ULK4: variants seen among roughly 807,000 people sequenced by gnomAD.
The protein encoded by ULK4 is inactive serine/threonine-protein kinase ULK4.
ULK4 carries 133 observed loss-of-function variants against 160.6 expected under a neutral mutation model. The observed-to-expected ratio is 0.83, with a 90% confidence interval of 0.72 to 0.96. The LOEUF (loss-of-function observed/expected upper bound fraction) is 0.96, where lower values mean the gene tolerates loss of function less well. ULK4 is among the 40% of genes least tolerant of loss of function. The pLI is 0.00. For missense variants in ULK4, 1,580 were observed against 1,499.5 expected (o/e 1.05, Z -0.89); for synonymous variants, 534 against 539.8 (o/e 0.99, Z 0.15).
intron 32 of ULK4, among the ~76,000 whole-genome samples, chr3:41,496,634 G>T (rs2085001873): frequency 6.6e-6 from 1 of 152,130 alleles, no homozygotes; most frequent in Non-Finnish European, 1.5e-5. Flanking sequence ...AATCTGCATA[G>T]TGCTGCCCTA....
At chr3:41,915,155 T>A (rs72866315) in intron 8 of ULK4, among the ~76,000 whole-genome samples, 1 of 152,176 alleles carries the variant, frequency 6.6e-6, no homozygotes, top group East Asian at 1.9e-4. Context: ...TATAGTTACA[T>A]CCTATCAAAA....
intron 17 of ULK4, among the ~76,000 whole-genome samples, chr3:41,875,172 C>T (rs1039451372): frequency 9.9e-5 from 15 of 152,124 alleles, no homozygotes; most frequent in Admixed American, 3.9e-4. Flanking sequence ...GAGCGAGACC[C>T]TGCCTAAACA....
intron 35 of ULK4, among the ~76,000 whole-genome samples, chr3:41,331,916 A>C (rs1260822950): frequency 1.3e-5 from 2 of 152,248 alleles, no homozygotes; most frequent in Non-Finnish European, 2.9e-5. Context: ...AGAAGGAAAT[A>C]TACCAAAATT....
chr3:41,331,435 T>A (rs532056617), intron 35 of ULK4, among the ~76,000 whole-genome samples: 1 of 152,364 alleles, frequency 6.6e-6, no homozygotes, highest in South Asian at 2.1e-4. Flanking sequence ...GACTGTTTAA[T>A]ATTAATTCCT....
Position 41,424,563 on chromosome 3 carries a change from G to A in ULK4, c.3493-26299C>T, listed in dbSNP as rs2082734527. Reference sequence around the variant, plus strand: ...CTCTGGGACAGAGATTCCAGAAAAAGGAGCAGGCAGCCATCTTTGCTTTTC... The same window carrying A: ...CTCTGGGACAGAGATTCCAGAAAAAAGAGCAGGCAGCCATCTTTGCTTTTC... On this transcript the variant is annotated intron_variant, in intron 34 of 36. Transcript: ENST00000301831. Among the ~76,000 whole-genome samples, 3 of 152,152 alleles carry A rather than the reference G, an allele frequency of 2.0e-5. No homozygotes were observed. In the South Asian group the frequency reaches 6.2e-4, roughly 32 times the overall value.
intron 10 of ULK4, 26 bp downstream of exon 10, chr3:41,911,515 C>CT (rs1282720970): frequency 1.3e-6 from 2 of 1,591,822 alleles, no homozygotes; most frequent in East Asian, 4.5e-5. Flanking sequence ...TTCTAAGTAG[C>CT]ATGAATGTGC....
chr3:41,758,831 C>T (rs1331268777), intron 21 of ULK4, among the ~76,000 whole-genome samples: 5 of 151,262 alleles, frequency 3.3e-5, no homozygotes, highest in Admixed American at 6.6e-5. Context: ...CAAGATCGCG[C>T]CACTGCACTC....
intron 22 of ULK4, among the ~76,000 whole-genome samples, chr3:41,747,518 T>C (rs1337159410): frequency 6.6e-6 from 1 of 152,056 alleles, no homozygotes; most frequent in South Asian, 2.1e-4. Flanking sequence ...AAAACTTGAA[T>C]ACTAGCTTCT....
chr3:41,899,867 A>T (rs1559637591), intron 13 of ULK4, among the ~76,000 whole-genome samples: 1 of 152,238 alleles, frequency 6.6e-6, no homozygotes, highest in Non-Finnish European at 1.5e-5. Context: ...AATAATCTAT[A>T]TGAAATGCTG....
chr3:41,355,243 C>G (rs903054452), intron 35 of ULK4, among the ~76,000 whole-genome samples: 1 of 152,148 alleles, frequency 6.6e-6, no homozygotes, highest in Non-Finnish European at 1.5e-5. Context: ...CACACCCATA[C>G]TCTTCAATTA....
chr3:41,332,330 C>T (rs942848880), intron 35 of ULK4, among the ~76,000 whole-genome samples: 8 of 152,068 alleles, frequency 5.3e-5, no homozygotes, highest in African/African-American at 1.7e-4. Flanking sequence ...TCCAATCAAA[C>T]ATTCAAATGA....
chr3:41,553,123 A>G (rs1481921930), intron 32 of ULK4, among the ~76,000 whole-genome samples: 4 of 152,112 alleles, frequency 2.6e-5, no homozygotes, highest in Non-Finnish European at 5.9e-5. Flanking sequence ...CAAAGACTTA[A>G]CCATAAGACC....
At chr3:41,571,600 G>C (rs1475607679) in intron 31 of ULK4, among the ~76,000 whole-genome samples, 4 of 152,138 alleles carry the variant, frequency 2.6e-5, no homozygotes, top group Admixed American at 6.5e-5. Context: ...GACATAACTG[G>C]AAGACTGGTG....
intron 21 of ULK4, among the ~76,000 whole-genome samples, chr3:41,768,829 A>C (rs937393618): frequency 1.3e-5 from 2 of 152,088 alleles, no homozygotes; most frequent in African/African-American, 4.8e-5. Context: ...TCACACAGCA[A>C]TAGACATAAT....
chr3:41,925,704 C>A (rs1271478151), intron 5 of ULK4, among the ~76,000 whole-genome samples: 1 of 152,004 alleles, frequency 6.6e-6, no homozygotes, highest in African/African-American at 2.4e-5. Context: ...CTGGGACGCT[C>A]GAGCTTGGTG....
At chr3:41,405,961 CTTTAG>C (rs1328378592) in intron 34 of ULK4, among the ~76,000 whole-genome samples, 4 of 152,034 alleles carry the variant, frequency 2.6e-5, no homozygotes, top group South Asian at 2.1e-4. Context: ...TACTGAAGCT[CTTTAG>C]TTTAATCAGG....
chr3:41,715,087 T>C, intron 25 of ULK4, 150 bp downstream of exon 25: 1 of 757,792 alleles, frequency 1.3e-6, no homozygotes, highest in Non-Finnish European at 2.1e-6. Flanking sequence ...TTTATTACAG[T>C]CAACAGATAA....
chr3:41,954,546 T>C (rs1700420193), intron 2 of ULK4, 76 bp downstream of exon 2: 5 of 1,499,232 alleles, frequency 3.3e-6, no homozygotes, highest in Non-Finnish European at 4.5e-6. Flanking sequence ...ATTCAATGAC[T>C]ACTGTGAAAA....
intron 19 of ULK4, among the ~76,000 whole-genome samples, chr3:41,805,246 T>C (rs1377804142): frequency 6.6e-6 from 1 of 152,204 alleles, no homozygotes; most frequent in East Asian, 1.9e-4. Context: ...TTTGAAGCAA[T>C]TGTGAATGGG....
Sources: allele counts gnomAD v4.1 joint callset (sites outside exome capture counted in the v4.1 genomes callset), GRCh38; gene constraint gnomAD v4.1.1; transcripts MANE v1.5; gene names NCBI Gene and HGNC (gene_info 2026-07-23, HGNC 2026-07-21).